MYH7: variants seen among roughly 807,000 people sequenced by gnomAD.
MYH7 encodes myosin-7.
MYH7 carries 129 observed loss-of-function variants against 225.4 expected under a neutral mutation model. That is an observed-to-expected ratio of 0.57 (90% CI 0.50 to 0.66). The LOEUF (loss-of-function observed/expected upper bound fraction) is 0.66, where lower values mean the gene tolerates loss of function less well. Among genes scored for constraint, MYH7 ranks in the 30% least tolerant of loss-of-function variants. The pLI, the probability that MYH7 is intolerant of heterozygous loss-of-function variation, is 0.00. For synonymous variants in MYH7, 971 were observed against 1,007.6 expected (o/e 0.96, Z 0.69); for missense variants, 1,649 against 2,517.0 (o/e 0.66, Z 7.38).
At position 23,415,651 on chromosome 14, in the gene MYH7, C is replaced by T. The variant is rs193922390; in HGVS notation, c.5135G>A (p.Arg1712Gln). 27 of 1,613,796 alleles carry T rather than the reference C, an allele frequency of 1.7e-5. No homozygotes were observed. The highest frequency in any genetic ancestry group is 2.2e-5 in the East Asian group (1 of 44,892). ...CACCTGGGAATGCAGCAGCTGCACC[C>T]GCTCACTAGTCTCAATCAGCTCCTG... ...AEQELIETSE[R>Q]VQLLHSQNTS... Residue 1712 changes from arginine (R) to glutamine (Q), a missense_variant, in exon 35 of 40, where the codon CGG (arginine) becomes CAG (glutamine). Physicochemically the swap from Arg to Gln is conservative, Grantham distance 43. This residue lies in a region of MYH7 where 687 missense variants were observed against 913.8 expected (regional missense o/e 0.75). Coordinates refer to ENST00000355349, the MANE Select transcript of MYH7 (RefSeq NM_000257.4). The surrounding 1 kb of genome is among the most constrained non-coding windows in gnomAD (Gnocchi z 6.3).
At chr14:23,427,967 A>G (rs1267523983) in intron 15 of MYH7, 73 bp from the exon 16 acceptor site, 3 of 1,586,432 alleles carry the variant, frequency 1.9e-6, no homozygotes, top group Middle Eastern at 2.0e-4. Context: ...TATGGTCAAT[A>G]TACTTGCTCG....
intron 15 of MYH7, 56 bp downstream of exon 15, chr14:23,428,444 A>G: frequency 1.2e-6 from 2 of 1,611,232 alleles, no homozygotes; most frequent in Non-Finnish European, 1.7e-6. Context: ...TATTTTGTCT[A>G]TGGTGTTCTT....
chr14:23,413,831 T>C lies in MYH7; in HGVS notation c.5718A>G (p.Ala1906=), dbSNP rs45523233. ...ACTCGGCGATGTCCGCCCGCTCCTCTGCCTCATCCAGCTCGTGCTGCACCT... is the reference window on the plus strand; with the variant it reads ...ACTCGGCGATGTCCGCCCGCTCCTCCGCCTCATCCAGCTCGTGCTGCACCT... The part of the protein sequence containing the change: ...FRKVQHELDE[A]EERADIAESQ... Residue 1906 remains alanine (A), a synonymous_variant, in exon 39 of 40, where the codon GCA becomes GCG. Transcript: ENST00000355349. 1 of 1,614,268 alleles carries C rather than the reference T, an allele frequency of 6.2e-7. No individual in the cohort carries two copies. Among genetic ancestry groups the C allele is most frequent in the Non-Finnish European group, 8.5e-7 (1 of 1,180,050 alleles).
At position 23,416,009 on chromosome 14, in the gene MYH7, A is replaced by G. The variant is rs1342070817; in HGVS notation, c.4948T>C (p.Leu1650=). ...AGTCCCCTCTGGGTGAGTACCTTCAACAAGCTCTGGAGGCTCTTGACTTGC... is the reference window on the plus strand; with the variant it reads ...AGTCCCCTCTGGGTGAGTACCTTCAGCAAGCTCTGGAGGCTCTTGACTTGC... The part of the protein sequence containing the change: ...QKQVKSLQSL[L]KDTQIQLDDA... Residue 1650 remains leucine (L), a synonymous_variant, in exon 34 of 40, where the codon TTG becomes CTG. Transcript: ENST00000355349. The G allele has an allele frequency of 1.6e-5, 26 of 1,610,650 alleles. No homozygotes were observed. The highest frequency in any genetic ancestry group is 2.2e-5 in the East Asian group (1 of 44,894).
rs745582917 is a variant in MYH7, at chr14:23,420,001, C to G, written c.3570G>C (p.Ala1190=). Residue 1190 remains alanine, a synonymous_variant, in exon 27 of 40, where the codon GCG becomes GCC. Coordinates refer to ENST00000355349, the MANE Select transcript of MYH7 (RefSeq NM_000257.4). The stretch of plus-strand genomic sequence containing the variant: ...TGTCGGCGTGCTTCTTGCGCAGGGC[C>G]GCGGCAGTGGCCTCGTGCTGCAGCG... ...EATLQHEATA[A]ALRKKHADSV... is the part of the protein sequence containing the mutation. The G allele has an allele frequency of 1.3e-6, 2 of 1,595,964 alleles. No homozygotes were observed. Among genetic ancestry groups the G allele is most frequent in the Non-Finnish European group, 1.7e-6 (2 of 1,168,156 alleles).
chr14:23,413,920 GA>G (rs556403696), intron 38 of MYH7, 27 bp from the exon 39 acceptor site: 229 of 1,614,126 alleles, frequency 1.4e-4, no homozygotes, highest in Non-Finnish European at 1.9e-4. Flanking sequence ...CATGAGGTGA[GA>G]GGGGGCCTGG....
chr14:23,431,338 G>GGA (rs751559400), intron 9 of MYH7, 80 bp downstream of exon 9: 57 of 1,360,378 alleles, frequency 4.2e-5, no homozygotes, highest in African/African-American at 1.1e-4. Flanking sequence ...GGGAGGGAGG[G>GGA]GAGAGAGAGA....
chr14:23,416,085 C>A lies in MYH7; in HGVS notation c.4872G>T (p.Glu1624Asp), dbSNP rs766561921. ...TGGCGTGGCTGAGCTGGATCTCCATCTCATTGAGGTCTCCTTCCATCTTCT... is the reference window on the plus strand; with the variant it reads ...TGGCGTGGCTGAGCTGGATCTCCATATCATTGAGGTCTCCTTCCATCTTCT... ...VKKKMEGDLN[E>D]MEIQLSHANR... The change falls in exon 34 of 40, where the codon GAG becomes GAT. Residue 1624 changes from glutamate (E) to aspartate (D), a missense_variant. Glu to Asp is a conservative substitution (Grantham distance 45). This residue lies in a region of MYH7 where 687 missense variants were observed against 913.8 expected (regional missense o/e 0.75). Coordinates refer to ENST00000355349, the MANE Select transcript of MYH7 (RefSeq NM_000257.4). 3.1e-6 allele frequency: 5 copies of A among 1,614,106 alleles called. No homozygotes were observed. The highest frequency in any genetic ancestry group is 4.2e-6 in the Non-Finnish European group (5 of 1,180,052).
At chr14:23,426,915 T>C (rs1443509325) in intron 17 of MYH7, 51 bp from the exon 18 acceptor site, 1 of 1,486,624 alleles carries the variant, frequency 6.7e-7, no homozygotes, top group South Asian at 1.1e-5. Flanking sequence ...CAGAAAGAGA[T>C]GCAGGAAGAA....
At chr14:23,416,500 C>T (rs1892218154) in intron 33 of MYH7, among the ~76,000 whole-genome samples, 188 bp from the exon 34 acceptor site, 2 of 152,118 alleles carry the variant, frequency 1.3e-5, no homozygotes, top group South Asian at 4.2e-4. Flanking sequence ...TGATTCAGGC[C>T]CTCACAGGGG....
chr14:23,433,841 T>C lies in MYH7; in HGVS notation c.-8-101A>G, dbSNP rs1893050265. The C allele has an allele frequency of 8.7e-7, 1 of 1,144,486 alleles. No individual in the cohort carries two copies. Among genetic ancestry groups the C allele is most frequent in the East Asian group, 2.5e-5 (1 of 40,302 alleles). 70.9% of individuals were successfully genotyped at this position (1,144,486 alleles called of 1,614,324 possible). Reference sequence around the variant, plus strand: ...GGAGCCCCAAAACCTAGCACCATGCTCAAGAGTCAAGAGGAGTTACCAGTG... The same window carrying C: ...GGAGCCCCAAAACCTAGCACCATGCCCAAGAGTCAAGAGGAGTTACCAGTG... On this transcript the variant is annotated intron_variant, in intron 2 of 39. Transcript: ENST00000355349. The surrounding 1 kb of genome is among the most constrained non-coding windows in gnomAD (Gnocchi z 4.1).
At chr14:23,431,518 A>G (rs894099736) in intron 8 of MYH7, 37 bp from the exon 9 acceptor site, 1 of 1,613,736 alleles carries the variant, frequency 6.2e-7, no homozygotes, top group Admixed American at 1.7e-5. Context: ...GAGTTGGGGG[A>G]AGGCTCATAT....
chr14:23,433,693 G>A lies in MYH7; in HGVS notation c.40C>T (p.Pro14Ser). 6.2e-7 allele frequency: 1 copy of A among 1,614,230 alleles called. No individual in the cohort carries two copies. The highest frequency in any genetic ancestry group is 1.1e-5 in the South Asian group (1 of 91,078). ...SEMAVFGAAA[P>S]YLRKSEKERL... ...TCCTTCTCTGACTTGCGCAGGTAGG[G>A]GGCGGCAGCCCCAAAGACTGCCATC... Residue 14 changes from proline to serine, a missense_variant, in exon 3 of 40, where the codon CCC becomes TCC. Physicochemically the swap from Pro to Ser is moderately conservative, Grantham distance 74. Around this residue, in one of 12 missense-constraint regions of MYH7, gnomAD observed 91 missense variants for 96.5 expected, o/e 0.94. Coordinates refer to ENST00000355349, the MANE Select transcript of MYH7 (RefSeq NM_000257.4). The surrounding 1 kb of genome is among the most constrained non-coding windows in gnomAD (Gnocchi z 4.1).
At position 23,415,613 on chromosome 14, in the gene MYH7, C is replaced by T; in HGVS notation, c.5157+16G>A. 6.2e-7 allele frequency: 1 copy of T among 1,613,578 alleles called. No individual in the cohort carries two copies. Among genetic ancestry groups the T allele is most frequent in the Non-Finnish European group, 8.5e-7 (1 of 1,180,022 alleles). On this transcript the variant is annotated intron_variant, in intron 35 of 39. Transcript: ENST00000355349. This position sits in a 1 kb window ranked among gnomAD's most constrained non-coding sequence, Gnocchi z 6.3. ...AGCCTGTGCTCCCTTCAGGAATGAGCAGGGGAGCTGCTCACCTGGGAATGC... is the reference window on the plus strand; with the variant it reads ...AGCCTGTGCTCCCTTCAGGAATGAGTAGGGGAGCTGCTCACCTGGGAATGC...
At chr14:23,423,436 A>ACACACAC (rs1892560389) in intron 24 of MYH7, 111 bp downstream of exon 24, 21 of 824,958 alleles carry the variant, frequency 2.5e-5, no homozygotes, top group African/African-American at 3.8e-5. Context: ...CATAAACACA[A>ACACACAC]ACACACACAC....
rs1431875543 is a variant in MYH7, at chr14:23,412,788, T to G, written c.*66A>C. Reference sequence around the variant, plus strand: ...ATTCTGCTTCCTCCCAAGGAGCTGTTACACAGGCTCCAGCATGGGGCTTTG... The same window carrying G: ...ATTCTGCTTCCTCCCAAGGAGCTGTGACACAGGCTCCAGCATGGGGCTTTG... On this transcript the variant is annotated 3_prime_UTR_variant, in exon 40 of 40. Coordinates refer to ENST00000355349, the MANE Select transcript of MYH7 (RefSeq NM_000257.4). 1 of 1,588,950 alleles carries G rather than the reference T, an allele frequency of 6.3e-7. No homozygotes were observed. Among genetic ancestry groups the G allele is most frequent in the East Asian group, 2.2e-5 (1 of 44,796 alleles).
Position 23,426,812 on chromosome 14 carries a change from A to G in MYH7, c.2009T>C (p.Val670Ala). The part of the protein sequence containing the change: ...TNLRSTHPHF[V>A]RCIIPNETKS... ...TGTCTCATTAGGGATGATACAACGTACAAAGTGGGGATGGGTGGAGCGCAA... is the reference window on the plus strand; with the variant it reads ...TGTCTCATTAGGGATGATACAACGTGCAAAGTGGGGATGGGTGGAGCGCAA... The change falls in exon 18 of 40, where the codon GTA becomes GCA. Residue 670 changes from valine to alanine, a missense_variant. By Grantham distance (64) the Val-to-Ala change is moderately conservative. Coordinates refer to ENST00000355349, the MANE Select transcript of MYH7 (RefSeq NM_000257.4). 6.2e-7 allele frequency: 1 copy of G among 1,614,222 alleles called. No individual in the cohort carries two copies. Among genetic ancestry groups the G allele is most frequent in the Non-Finnish European group, 8.5e-7 (1 of 1,180,050 alleles).
intron 11 of MYH7, among the ~76,000 whole-genome samples, chr14:23,430,282 C>T (rs948705778): frequency 4.6e-5 from 7 of 152,184 alleles, no homozygotes; most frequent in Admixed American, 1.3e-4. Flanking sequence ...CTTCCCTCCT[C>T]GTCCTGCTCC....
At position 23,417,174 on chromosome 14, in the gene MYH7, G is replaced by A. The variant is rs45544633; in HGVS notation, c.4498C>T (p.Arg1500Trp). The change falls in exon 32 of 40, where the codon CGG becomes TGG. Residue 1500 changes from arginine (R) to tryptophan (W), a missense_variant. Arg to Trp is a moderately radical substitution (Grantham distance 101, BLOSUM62 -3). Around this residue, in one of 12 missense-constraint regions of MYH7, gnomAD observed 687 missense variants for 913.8 expected, o/e 0.75. Transcript: ENST00000355349. ...ESLEHLETFKRENKNLQEEIS... is the reference protein window; with the variant it reads ...ESLEHLETFKWENKNLQEEIS... ...ACACCCTGCAGGTTTTTGTTCTCCCGCTTGAAGGTCTCCAGATGTTCCAGG... is the reference window on the plus strand; with the variant it reads ...ACACCCTGCAGGTTTTTGTTCTCCCACTTGAAGGTCTCCAGATGTTCCAGG... 6 of 1,614,138 alleles carry A rather than the reference G, an allele frequency of 3.7e-6. No individual in the cohort carries two copies. Among genetic ancestry groups the A allele is most frequent in the Non-Finnish European group, 5.1e-6 (6 of 1,180,022 alleles).
Sources: allele counts gnomAD v4.1 joint callset (sites outside exome capture counted in the v4.1 genomes callset), GRCh38; gene constraint gnomAD v4.1.1; regional missense constraint gnomAD v4.1.1; non-coding constraint Gnocchi (gnomAD v3.1); transcripts MANE v1.5; gene names NCBI Gene and HGNC (gene_info 2026-07-23, HGNC 2026-07-21).